Variants in MARCOL observed in about 807,000 individuals in gnomAD.
The protein encoded by MARCOL is MARCO-like protein.
chr5:148,242,306 A>C (rs1181834955), intron 1 of MARCOL, 140 bp from the exon 2 acceptor site: 4 of 387,680 alleles, frequency 1.0e-5, no homozygotes, highest in Non-Finnish European at 1.8e-5. Flanking sequence ...GAAGAATGAG[A>C]AGATTCTATC....
chr5:148,241,474 G>A (rs1755964397), intron 1 of MARCOL, among the ~76,000 whole-genome samples: 5 of 135,520 alleles, frequency 3.7e-5, no homozygotes, highest in Non-Finnish European at 7.8e-5. Flanking sequence ...AATAAAGAAA[G>A]AGGAATTATC....
intron 1 of MARCOL, among the ~76,000 whole-genome samples, chr5:148,241,788 T>C (rs915606862): frequency 2.0e-5 from 3 of 152,062 alleles, no homozygotes; most frequent in African/African-American, 7.2e-5. Context: ...TCTTGAGCAA[T>C]TTGACCAAAA....
chr5:148,240,403 T>A (rs891043551), intron 1 of MARCOL, among the ~76,000 whole-genome samples: 1 of 151,868 alleles, frequency 6.6e-6, no homozygotes, highest in Admixed American at 6.6e-5. Flanking sequence ...AGGGTATCCA[T>A]CAAATAATTC....
At chr5:148,239,920 A>G (rs1755946203) in intron 1 of MARCOL, among the ~76,000 whole-genome samples, 1 of 151,894 alleles carries the variant, frequency 6.6e-6, no homozygotes. Flanking sequence ...AGCAATACTA[A>G]GCGCATCCTA....
At chr5:148,241,251 T>C (rs1037276488) in intron 1 of MARCOL, among the ~76,000 whole-genome samples, 4 of 151,862 alleles carry the variant, frequency 2.6e-5, no homozygotes, top group Non-Finnish European at 5.9e-5. Context: ...TGACTTTGCT[T>C]AAATTGACTT....
chr5:148,239,222 T>A (rs1755938136), intron 1 of MARCOL, among the ~76,000 whole-genome samples: 1 of 152,032 alleles, frequency 6.6e-6, no homozygotes, highest in Non-Finnish European at 1.5e-5. Context: ...TTTTCTCTAT[T>A]CCTTACCTCA....
Position 148,238,542 on chromosome 5 carries a change from T to C in MARCOL, c.-56T>C. ...CATGGTTTATTTGAAGAGCACCTAC[T>C]GCAGAGTTAGGCTTAACTCCACCCA... On this transcript the variant is annotated 5_prime_UTR_variant, in exon 1 of 2. Transcript: ENST00000638089. The C allele has an allele frequency of 2.5e-6, 1 of 397,752 alleles. No homozygotes were observed. The highest frequency in any genetic ancestry group is 4.4e-6 in the Non-Finnish European group (1 of 225,108). 24.6% of individuals were successfully genotyped at this position (397,752 alleles called of 1,614,324 possible).
intron 1 of MARCOL, 80 bp from the exon 2 acceptor site, chr5:148,242,366 T>C (rs1014097626): frequency 7.6e-6 from 3 of 395,680 alleles, no homozygotes; most frequent in Non-Finnish European, 1.3e-5. Flanking sequence ...TACTATATCT[T>C]GGACAAATGT....
At chr5:148,240,762 A>T (rs961499144) in intron 1 of MARCOL, among the ~76,000 whole-genome samples, 1 of 151,924 alleles carries the variant, frequency 6.6e-6, no homozygotes, top group African/African-American at 2.4e-5. Context: ...AAGAATCCAT[A>T]CATGTACTCA....
chr5:148,243,551 G>C lies in MARCOL; in HGVS notation c.*297G>C. On this transcript the variant is annotated 3_prime_UTR_variant, in exon 2 of 2. Transcript: ENST00000638089. Reference sequence around the variant, plus strand: ...CATCTAGCCATCAGAGAAAATTAAGGTCATTTTACAACCAACGACAAAGAA... The same window carrying C: ...CATCTAGCCATCAGAGAAAATTAAGCTCATTTTACAACCAACGACAAAGAA... 9.9e-6 allele frequency: 3 copies of C among 303,410 alleles called. No homozygotes were observed. The Admixed American group carries it at 1.5e-4, about 15-fold the overall frequency. The allele number at this position is 303,410 out of a possible 1,614,324, so 18.8% of individuals were successfully genotyped here. A position where few individuals can be genotyped will look rare whatever the true frequency, so the allele number is the denominator to read the frequency against.
rs1243188811 is a variant in MARCOL, at chr5:148,243,379, G to T, written c.*125G>T. ...AAGCCAGTGTCATCTAGCCAACAAGGGAAGCCAGTGTCATCTAGCCAACAA... is the reference window on the plus strand; with the variant it reads ...AAGCCAGTGTCATCTAGCCAACAAGTGAAGCCAGTGTCATCTAGCCAACAA... On this transcript the variant is annotated 3_prime_UTR_variant, in exon 2 of 2. Coordinates refer to ENST00000638089, the MANE Select transcript of MARCOL (RefSeq NM_001363511.2). 2 of 395,886 alleles carry T rather than the reference G, an allele frequency of 5.1e-6. No homozygotes were observed. The highest frequency in any genetic ancestry group is 8.9e-6 in the Non-Finnish European group (2 of 224,904). The allele number at this position is 395,886 out of a possible 1,614,324, so 24.5% of individuals were successfully genotyped here.
intron 1 of MARCOL, among the ~76,000 whole-genome samples, chr5:148,238,953 C>T (rs1248559426): frequency 1.3e-5 from 2 of 151,988 alleles, no homozygotes; most frequent in Admixed American, 6.6e-5. Flanking sequence ...TGTGAATATG[C>T]AAGTTCATAA....
intron 1 of MARCOL, among the ~76,000 whole-genome samples, chr5:148,238,925 C>T (rs1755934509): frequency 6.6e-6 from 1 of 151,944 alleles, no homozygotes; most frequent in Non-Finnish European, 1.5e-5. Context: ...TGAATTTAGA[C>T]TAAGAGGCTT....
chr5:148,242,246 G>A (rs1368309), intron 1 of MARCOL, among the ~76,000 whole-genome samples, 200 bp from the exon 2 acceptor site: 119,056 of 151,760 alleles, frequency 0.78, 49,971 homozygotes, highest in Middle Eastern at 0.94. Flanking sequence ...TGAAAACCAT[G>A]TAGTACAGTA....
At chr5:148,241,888 A>T (rs1047939251) in intron 1 of MARCOL, among the ~76,000 whole-genome samples, 3 of 152,128 alleles carry the variant, frequency 2.0e-5, no homozygotes, top group Non-Finnish European at 2.9e-5. Flanking sequence ...ATTGAAAGAC[A>T]CATGTTCTGA....
intron 1 of MARCOL, among the ~76,000 whole-genome samples, chr5:148,241,668 CACAT>C (rs1354227691): frequency 6.6e-6 from 1 of 151,852 alleles, no homozygotes; most frequent in Non-Finnish European, 1.5e-5. Flanking sequence ...AAAACATATA[CACAT>C]ACACACAATT....
At position 148,243,050 on chromosome 5, in the gene MARCOL, A is replaced by G. The variant is rs4532356; in HGVS notation, c.654A>G (p.Gln218=). 339,944 of 399,382 alleles carry G rather than the reference A, an allele frequency of 0.85. 149,474 individuals are homozygous for G. The highest frequency in any genetic ancestry group is 0.93 in the Middle Eastern group (1,483 of 1,594). The allele number at this position is 399,382 out of a possible 1,614,324, so 24.7% of individuals were successfully genotyped here. ...AGGGGAAGCCAGGGTCATCTAGCCA[A>G]CAAGGAAATCTAGGAACTTCTGGCC... ...GQQGKPGSSS[Q]QGNLGTSGQQ... is the part of the protein sequence containing the mutation. Residue 218 remains glutamine, a synonymous_variant, in exon 2 of 2, where the codon CAA becomes CAG. Coordinates refer to ENST00000638089, the MANE Select transcript of MARCOL (RefSeq NM_001363511.2).
intron 1 of MARCOL, among the ~76,000 whole-genome samples, 173 bp from the exon 2 acceptor site, chr5:148,242,272 GA>G (rs1755974509): frequency 6.6e-6 from 1 of 151,962 alleles, no homozygotes; most frequent in Admixed American, 6.6e-5. Context: ...AACAAAGGAG[GA>G]ACCCAAATAT....
intron 1 of MARCOL, 129 bp from the exon 2 acceptor site, chr5:148,242,317 T>A: frequency 2.6e-6 from 1 of 389,958 alleles, no homozygotes; most frequent in East Asian, 3.6e-5. Flanking sequence ...AGATTCTATC[T>A]TGGGGCTTGG....
Sources: gnomAD v4.1 joint callset for allele counts (sites outside exome capture counted in the v4.1 genomes callset) on GRCh38, gnomAD v4.1.1 for gene constraint, MANE v1.5 for transcripts, NCBI Gene and HGNC (gene_info 2026-07-23, HGNC 2026-07-21) for gene names.